The following PCDHGA2 variants were observed in gnomAD, a reference collection of about 807,000 sequenced individuals.
The protein encoded by PCDHGA2 is protocadherin gamma-A2.
PCDHGA2 carries 40 observed loss-of-function variants against 59.2 expected under a neutral mutation model. The observed-to-expected ratio is 0.68, with a 90% CI of 0.52 to 0.88. PCDHGA2 has a LOEUF of 0.88. Ranked by LOEUF, PCDHGA2 falls within the 40% of genes least tolerant of loss-of-function variation. The pLI is 0.00. For missense variants in PCDHGA2, 1,226 were observed against 1,204.0 expected (o/e 1.02, Z -0.27); for synonymous variants, 560 against 526.0 (o/e 1.06, Z -0.89).
In PCDHGA2 at chr5:141,487,241, A is replaced by G. The variant is rs753291480; in HGVS notation, c.2425-7566A>G. ...TCCAAGGGAAGGAGAATCTCGTCTA[A>G]CCCTCTACTTGGCTGTGTCCCTAGT... On this transcript the variant is annotated intron_variant, in intron 1 of 3. Transcript: ENST00000394576. The surrounding 1 kb of genome is among the most constrained non-coding windows in gnomAD (Gnocchi z 5.0). 2 of 1,613,876 alleles carry G rather than the reference A, an allele frequency of 1.2e-6. No homozygotes were observed. The highest frequency in any genetic ancestry group is 3.3e-5 in the Admixed American group (2 of 59,988).
chr5:141,355,277 T>C, intron 1 of PCDHGA2: 1 of 1,613,656 alleles, frequency 6.2e-7, no homozygotes, highest in Non-Finnish European at 8.5e-7. Context: ...CTGGTGGAAA[T>C]CAGGGCCGAA....
intron 1 of PCDHGA2, chr5:141,383,701 G>A (rs761689266): frequency 2.5e-6 from 4 of 1,613,810 alleles, no homozygotes; most frequent in South Asian, 1.1e-5. Flanking sequence ...ACATGCTATC[G>A]ACCTGGACGA....
chr5:141,397,609 G>A (rs2093544805), intron 1 of PCDHGA2, among the ~76,000 whole-genome samples: 1 of 152,186 alleles, frequency 6.6e-6, no homozygotes. Flanking sequence ...AGTGACAAGG[G>A]CAATACTTAG....
At chr5:141,399,628 G>C in intron 1 of PCDHGA2, 1 of 1,613,890 alleles carries the variant, frequency 6.2e-7, no homozygotes, top group Non-Finnish European at 8.5e-7. Flanking sequence ...GGCCTCTTAC[G>C]TGTCCATGAG....
chr5:141,438,583 CATACATACATATATAT>C (rs1183800202), intron 1 of PCDHGA2, among the ~76,000 whole-genome samples: 1 of 57,610 alleles, frequency 1.7e-5, no homozygotes, highest in African/African-American at 9.0e-5. Context: ...TACATACATA[CATACATACATATATAT>C]ATATATATAT....
intron 1 of PCDHGA2, among the ~76,000 whole-genome samples, chr5:141,444,771 T>C (rs987549188): frequency 6.6e-6 from 1 of 152,246 alleles, no homozygotes; most frequent in African/African-American, 2.4e-5. Context: ...TTCTATATTC[T>C]TGATCATGTT....
At position 141,432,999 on chromosome 5, in the gene PCDHGA2, A is replaced by G. The variant is rs745921704; in HGVS notation, c.2425-61808A>G. The G allele has an allele frequency of 1.1e-5, 17 of 1,614,046 alleles. No individual in the cohort carries two copies. Among genetic ancestry groups the G allele is most frequent in the East Asian group, 4.5e-5 (2 of 44,862 alleles). On this transcript the variant is annotated intron_variant, in intron 1 of 3. Coordinates refer to ENST00000394576, the MANE Select transcript of PCDHGA2 (RefSeq NM_018915.4). This position sits in a 1 kb window ranked among gnomAD's most constrained non-coding sequence, Gnocchi z 6.0. ...CACTTTGTGGGCGTGGACGGGGTGC[A>G]GGCTTTCCTGCAGACCTATTCCCAC...
At chr5:141,369,470 C>T (rs752917426) in intron 1 of PCDHGA2, among the ~76,000 whole-genome samples, 13 of 152,166 alleles carry the variant, frequency 8.5e-5, no homozygotes, top group African/African-American at 1.9e-4. Context: ...TGTTCTAGCC[C>T]AGCCTGGGCA....
rs1419819549 is a variant in PCDHGA2 at position 141,405,132 on chromosome 5, C to T, written c.2424+63737C>T. ...TGGCACTCCTCGCATCTGCTGCGGG[C>T]TACCAGTGATGGGTTGGCTGGTGTG... On this transcript the variant is annotated intron_variant, in intron 1 of 3. Transcript: ENST00000394576. 2 of 1,614,032 alleles carry T rather than the reference C, an allele frequency of 1.2e-6. No individual in the cohort carries two copies. Among genetic ancestry groups the T allele is most frequent in the East Asian group, 4.5e-5 (2 of 44,860 alleles).
chr5:141,421,533 C>T (rs80184002), intron 1 of PCDHGA2: 1 of 1,614,044 alleles, frequency 6.2e-7, no homozygotes, highest in African/African-American at 1.3e-5. Flanking sequence ...CGGTGTCCTC[C>T]TGTTTTTTAA....
intron 1 of PCDHGA2, chr5:141,412,659 C>T (rs1013218327): frequency 7.9e-5 from 12 of 152,212 alleles, no homozygotes; most frequent in African/African-American, 2.4e-4. Flanking sequence ...TACCTAGACA[C>T]TAATATGACC....
chr5:141,477,482 C>G lies in PCDHGA2; in HGVS notation c.2425-17325C>G, dbSNP rs1168724444. On this transcript the variant is annotated intron_variant, in intron 1 of 3. Transcript: ENST00000394576. This position sits in a 1 kb window ranked among gnomAD's most constrained non-coding sequence, Gnocchi z 4.9. ...GTCCGACATCAATGACAACCCTCCA[C>G]AATCTTCTCAATCTTCCTACGACGT... 1 of 1,614,118 alleles carries G rather than the reference C, an allele frequency of 6.2e-7. No individual in the cohort carries two copies. The highest frequency in any genetic ancestry group is 1.1e-5 in the South Asian group (1 of 91,074).
At chr5:141,421,464 T>C in intron 1 of PCDHGA2, 1 of 1,614,090 alleles carries the variant, frequency 6.2e-7, no homozygotes, top group Non-Finnish European at 8.5e-7. Flanking sequence ...TCGCTGTGAA[T>C]CCGCGAAGCG....
intron 1 of PCDHGA2, chr5:141,344,815 T>G (rs1241165159): frequency 2.5e-6 from 4 of 1,614,006 alleles, no homozygotes; most frequent in Non-Finnish European, 1.7e-6. Flanking sequence ...GGTACCCGGC[T>G]GCTCACGGTG....
intron 1 of PCDHGA2, chr5:141,478,134 C>A (rs2099431418): frequency 6.2e-7 from 1 of 1,614,074 alleles, no homozygotes; most frequent in African/African-American, 1.3e-5. Flanking sequence ...TCTCCTGAAG[C>A]CCGAGCCGAG....
At chr5:141,415,015 A>C (rs2095814085) in intron 1 of PCDHGA2, 1 of 1,613,598 alleles carries the variant, frequency 6.2e-7, no homozygotes, top group East Asian at 2.2e-5. Flanking sequence ...CCGTCTGCTC[A>C]AGGCCAGCGA....
chr5:141,469,573 CTAAA>C (rs1209972534), intron 1 of PCDHGA2, among the ~76,000 whole-genome samples: 2 of 151,554 alleles, frequency 1.3e-5, no homozygotes, highest in Non-Finnish European at 2.9e-5. Flanking sequence ...GACTCTGTCT[CTAAA>C]TAAATAAATA....
intron 1 of PCDHGA2, among the ~76,000 whole-genome samples, chr5:141,468,921 G>A (rs1254189500): frequency 6.6e-6 from 1 of 151,342 alleles, no homozygotes; most frequent in African/African-American, 2.4e-5. Context: ...GAAGAGAATA[G>A]CACTAAAATG....
intron 1 of PCDHGA2, chr5:141,423,087 G>C (rs756067751): frequency 1.2e-6 from 2 of 1,613,936 alleles, no homozygotes; most frequent in African/African-American, 1.3e-5. Context: ...TCTTCGCGGT[G>C]GGGGAGCACA....
Sources: gnomAD v4.1 joint callset for allele counts (sites outside exome capture counted in the v4.1 genomes callset) on GRCh38, gnomAD v4.1.1 for gene constraint, Gnocchi (gnomAD v3.1) non-coding constraint, MANE v1.5 for transcripts, NCBI Gene and HGNC (gene_info 2026-07-23, HGNC 2026-07-21) for gene names.